The following ERICH1 variants were observed in gnomAD, a reference collection of about 807,000 sequenced individuals.
ERICH1 encodes the protein glutamate rich 1, also known as glutamate-rich protein 1.
In ERICH1, 56 loss-of-function variants were observed where a neutral mutation model predicts 39.6. That is an observed-to-expected ratio of 1.41 (90% CI 1.14 to 1.77). The LOEUF is 1.77. Among genes scored for constraint, ERICH1 ranks in the 40% most tolerant of loss-of-function variants. The pLI is 0.00. For synonymous variants in ERICH1, 313 were observed against 223.6 expected, an observed-to-expected ratio of 1.40 and a Z score of -3.57; for missense variants, 826 against 575.4, an observed-to-expected ratio of 1.44 and a Z score of -4.45.
chr8:686,122 T>G (rs942093407), intron 3 of ERICH1, among the ~76,000 whole-genome samples: 3 of 151,900 alleles, frequency 2.0e-5, no homozygotes, highest in Admixed American at 1.3e-4. Context: ...GCCACTGCAC[T>G]CCAGCTGGGA....
chr8:694,661 C>T (rs1940348840), intron 2 of ERICH1, among the ~76,000 whole-genome samples: 2 of 152,232 alleles, frequency 1.3e-5, no homozygotes, highest in Non-Finnish European at 2.9e-5. Flanking sequence ...CGAGGGGCCT[C>T]ACGGCTTGCT....
intron 3 of ERICH1, 40 bp from the exon 4 acceptor site, chr8:674,087 G>T (rs773015999): frequency 6.7e-7 from 1 of 1,501,632 alleles, no homozygotes; most frequent in East Asian, 2.3e-5. Context: ...TCAGTACAAT[G>T]AAACCATAAC....
intron 3 of ERICH1, chr8:616,458 A>G (rs1796903568): frequency 2.2e-6 from 1 of 451,894 alleles, no homozygotes; most frequent in African/African-American, 2.0e-5. Context: ...AAGCGGATTC[A>G]GCGCTGGCCA....
intron 1 of ERICH1, among the ~76,000 whole-genome samples, chr8:721,744 A>G (rs1278843921): frequency 6.6e-6 from 1 of 152,198 alleles, no homozygotes; most frequent in Admixed American, 6.5e-5. Context: ...ACTAATACCA[A>G]AAGCAGAACA....
chr8:693,826 C>G (rs1354014857), intron 2 of ERICH1, among the ~76,000 whole-genome samples: 6 of 151,050 alleles, frequency 4.0e-5, no homozygotes, highest in Non-Finnish European at 8.9e-5. Context: ...ACGTCCCCTG[C>G]TGCACGCCCC....
chr8:661,205 G>A (rs760068073), downstream of ERICH1, among the ~76,000 whole-genome samples: 2 of 152,134 alleles, frequency 1.3e-5, no homozygotes, highest in Non-Finnish European at 2.9e-5. Context: ...GAAGAGCCCC[G>A]GGATGAGAGG....
chr8:616,384 G>C (rs768908125), intron 3 of ERICH1: 6 of 361,492 alleles, frequency 1.7e-5, no homozygotes, highest in East Asian at 1.6e-4. Flanking sequence ...CCGCCGTCCA[G>C]AGAGAAACTC....
downstream of ERICH1, among the ~76,000 whole-genome samples, chr8:663,758 G>GTT (rs5888809): frequency 1.4e-5 from 2 of 145,690 alleles, no homozygotes; most frequent in African/African-American, 2.5e-5. Flanking sequence ...TTGACTGATG[G>GTT]TTTTTTTTTT....
At chr8:661,039 C>A (rs916219973), downstream of ERICH1, among the ~76,000 whole-genome samples, 6 of 152,304 alleles carry the variant, frequency 3.9e-5, no homozygotes, top group African/African-American at 1.4e-4. Flanking sequence ...CCCTAAGTAA[C>A]CTGGTAGGGA....
At chr8:679,706 G>T (rs1805686283) in intron 3 of ERICH1, among the ~76,000 whole-genome samples, 1 of 152,244 alleles carries the variant, frequency 6.6e-6, no homozygotes, top group Non-Finnish European at 1.5e-5. Flanking sequence ...CATAAGTCAT[G>T]TTGAAATGCT....
chr8:625,955 G>A (rs1443058721), intron 3 of ERICH1: 1 of 152,214 alleles, frequency 6.6e-6, no homozygotes, highest in African/African-American at 2.4e-5. Flanking sequence ...GTTTAAAGAA[G>A]TTATTTATTC....
chr8:619,275 C>A (rs562874186), intron 3 of ERICH1, among the ~76,000 whole-genome samples: 1 of 152,112 alleles, frequency 6.6e-6, no homozygotes, highest in African/African-American at 2.4e-5. Flanking sequence ...CACAAGGAGG[C>A]CCCGGTGAGA....
downstream of ERICH1, among the ~76,000 whole-genome samples, chr8:661,934 G>C (rs1330201757): frequency 6.6e-6 from 1 of 151,740 alleles, no homozygotes; most frequent in Non-Finnish European, 1.5e-5. Context: ...ACCCCCCGCA[G>C]TGGCAGGGAT....
At chr8:657,376 C>A (rs181702836) in intron 3 of ERICH1, among the ~76,000 whole-genome samples, 1 of 149,192 alleles carries the variant, frequency 6.7e-6, no homozygotes, top group African/African-American at 2.5e-5. Flanking sequence ...TGTCTCTGGT[C>A]GGAAGGGAGG....
At chr8:615,921 C>A (rs1434575270) in intron 3 of ERICH1, 2 of 152,542 alleles carry the variant, frequency 1.3e-5, no homozygotes, top group Admixed American at 1.3e-4. Flanking sequence ...GCACAGAGAA[C>A]CTAGGGAAAT....
chr8:715,833 A>T lies in ERICH1; in HGVS notation c.169+28T>A, dbSNP rs1426020561. 3.1e-6 allele frequency: 5 copies of T among 1,589,378 alleles called. No homozygotes were observed. The East Asian group carries it at 1.1e-4, about 36-fold the overall frequency. On this transcript the variant is annotated intron_variant, in intron 2 of 5. Coordinates refer to ENST00000262109, the MANE Select transcript of ERICH1 (RefSeq NM_207332.3). Reference sequence around the variant, plus strand: ...ACGGAGGTTAACTTCAGTTTCTGAGACCCACCCACATCTGCAGACAAACTC... The same window carrying T: ...ACGGAGGTTAACTTCAGTTTCTGAGTCCCACCCACATCTGCAGACAAACTC...
intron 3 of ERICH1, among the ~76,000 whole-genome samples, chr8:637,959 T>G (rs1004986005): frequency 6.6e-6 from 1 of 152,246 alleles, no homozygotes; most frequent in African/African-American, 2.4e-5. Flanking sequence ...ATTCAACAGA[T>G]GCACCTTTAA....
At chr8:722,442 G>C (rs1457952748) in intron 1 of ERICH1, among the ~76,000 whole-genome samples, 1 of 152,154 alleles carries the variant, frequency 6.6e-6, no homozygotes, top group Admixed American at 6.5e-5. Context: ...GCCTACACTT[G>C]CTATTTCAAA....
chr8:664,328 A>G lies in ERICH1; in HGVS notation c.*275T>C. 1.8e-6 allele frequency: 2 copies of G among 1,095,800 alleles called. No individual in the cohort carries two copies. The highest frequency in any genetic ancestry group is 2.2e-6 in the Non-Finnish European group (2 of 901,632). 67.9% of individuals were successfully genotyped at this position (1,095,800 alleles called of 1,614,324 possible). A position where few individuals can be genotyped will look rare whatever the true frequency, so the allele number is the denominator to read the frequency against. ...ATACATTTAACTTAACAGAATGTCC[A>G]TTTTCAATTTTTACAATAAGTAGAG... On this transcript the variant is annotated 3_prime_UTR_variant, in exon 6 of 6. Coordinates refer to ENST00000262109, the MANE Select transcript of ERICH1 (RefSeq NM_207332.3).
Sources: allele counts gnomAD v4.1 joint callset (sites outside exome capture counted in the v4.1 genomes callset), GRCh38; gene constraint gnomAD v4.1.1; transcripts MANE v1.5; gene names NCBI Gene and HGNC (gene_info 2026-07-23, HGNC 2026-07-21).